The following CCDC81 variants were observed in gnomAD, a reference collection of about 807,000 sequenced individuals.
The protein encoded by CCDC81 is coiled-coil domain containing 81.
A neutral mutation model predicts 83.7 loss-of-function variants in CCDC81; 79 were observed. The ratio of observed to expected loss-of-function variants is 0.94; its 90% CI spans 0.79 to 1.14. The LOEUF (loss-of-function observed/expected upper bound fraction) is 1.14. CCDC81 is among the 50% of genes most tolerant of loss of function. The pLI, the probability that CCDC81 is intolerant of heterozygous loss-of-function variation, is 0.00. For synonymous variants in CCDC81, 252 were observed against 278.1 expected, an observed-to-expected ratio of 0.91 and a Z score of 0.93; for missense variants, 791 against 778.1, an observed-to-expected ratio of 1.02 and a Z score of -0.20.
intron 4 of CCDC81, among the ~76,000 whole-genome samples, chr11:86,393,030 T>G (rs796887534): frequency 6.6e-5 from 10 of 152,306 alleles, no homozygotes; most frequent in African/African-American, 2.4e-4. Context: ...ACGGAAACTC[T>G]TAGAATTCTG....
chr11:86,401,773 A>G (rs1457454365), intron 7 of CCDC81, among the ~76,000 whole-genome samples: 1 of 152,164 alleles, frequency 6.6e-6, no homozygotes, highest in Non-Finnish European at 1.5e-5. Flanking sequence ...GGACAGAGTA[A>G]TTGTTGGAAG....
chr11:86,392,359 A>G (rs61906693), intron 3 of CCDC81, among the ~76,000 whole-genome samples, 182 bp from the exon 4 acceptor site: 26,582 of 152,166 alleles, frequency 0.17, 2,416 homozygotes, highest in South Asian at 0.23. Context: ...ACTGATTAAT[A>G]TGTTAGTAAC....
At chr11:86,389,610 C>T (rs533248671) in intron 3 of CCDC81, among the ~76,000 whole-genome samples, 11 of 152,112 alleles carry the variant, frequency 7.2e-5, no homozygotes, top group Non-Finnish European at 1.5e-4. Context: ...CTCATGAGAA[C>T]TCACTCACTA....
Position 86,401,993 on chromosome 11 carries a change from G to A in CCDC81, c.881+1192G>A, listed in dbSNP as rs1164311513. On this transcript the variant is annotated intron_variant, in intron 7 of 14. Coordinates refer to ENST00000445632, the MANE Select transcript of CCDC81 (RefSeq NM_001156474.2). ...CTACTAAAATAAAAAAAATTACCCG[G>A]GTGTGGTGGTGAGCGCCTGTAATCC... Among the ~76,000 whole-genome samples, 5 of 151,876 alleles carry A rather than the reference G, an allele frequency of 3.3e-5. No homozygotes were observed. The East Asian group carries it at 9.6e-4, about 29-fold the overall frequency.
intron 4 of CCDC81, 124 bp from the exon 5 acceptor site, chr11:86,395,210 C>A (rs574261046): frequency 1.5e-6 from 1 of 661,860 alleles, no homozygotes; most frequent in Admixed American, 2.9e-5. Context: ...GACTTATAAG[C>A]GCTTAACATA....
rs1188630520 is a variant in CCDC81, at chr11:86,415,205, A to C, written c.1583A>C (p.Tyr528Ser). The C allele has an allele frequency of 6.2e-7, 1 of 1,614,094 alleles. No homozygotes were observed. Among genetic ancestry groups the C allele is most frequent in the African/African-American group, 1.3e-5 (1 of 74,934 alleles). ...GAAAAGCAAAAGCGAGAACAAAATT[A>C]CATGAAACACCAGCTGGAGGCAGCT... is the stretch of plus-strand genomic sequence containing the variant. ...MVEKQKREQN[Y>S]MKHQLEAAAN... Residue 528 changes from tyrosine to serine, a missense_variant, in exon 13 of 15, where the codon TAC (tyrosine) becomes TCC (serine). Physicochemically the swap from Tyr to Ser is moderately radical, Grantham distance 144. Transcript: ENST00000445632.
chr11:86,408,248 A>G lies in CCDC81; in HGVS notation c.1091A>G (p.Gln364Arg), dbSNP rs751122655. The change falls in exon 9 of 15, where the codon CAG becomes CGG. Residue 364 changes from glutamine (Q) to arginine (R), a missense_variant. Transcript: ENST00000445632. ...CAGCAGTATCAGATGTTAAAGGATC[A>G]GGAGGCTCTCTTCAGACACCAGGTA... ...LIQQYQMLKDQEALFRHQMKS... is the reference protein window; with the variant it reads ...LIQQYQMLKDREALFRHQMKS... 5 of 1,613,384 alleles carry G rather than the reference A, an allele frequency of 3.1e-6. No homozygotes were observed. The highest frequency in any genetic ancestry group is 1.3e-5 in the African/African-American group (1 of 75,032).
At chr11:86,417,010 G>C (rs1948728732) in intron 13 of CCDC81, among the ~76,000 whole-genome samples, 2 of 152,120 alleles carry the variant, frequency 1.3e-5, no homozygotes, top group African/African-American at 4.8e-5. Context: ...TTGGGAGACC[G>C]AGGCAGGCAG....
chr11:86,399,484 T>C (rs1258761656), intron 6 of CCDC81, among the ~76,000 whole-genome samples: 1 of 151,990 alleles, frequency 6.6e-6, no homozygotes, highest in African/African-American at 2.4e-5. Flanking sequence ...CCTGGCTAAT[T>C]TTTGTACTTT....
chr11:86,386,591 A>T (rs1447133184), intron 2 of CCDC81, among the ~76,000 whole-genome samples: 1 of 152,214 alleles, frequency 6.6e-6, no homozygotes, highest in African/African-American at 2.4e-5. Flanking sequence ...ATGCCATAGA[A>T]CTGGACAGAG....
chr11:86,421,960 G>C (rs1404463653), intron 14 of CCDC81, among the ~76,000 whole-genome samples: 1 of 151,860 alleles, frequency 6.6e-6, no homozygotes, highest in Non-Finnish European at 1.5e-5. Context: ...TGGGGTAGAG[G>C]AGCACATGAG....
At chr11:86,412,237 G>A (rs931115222) in intron 10 of CCDC81, 150 bp from the exon 11 acceptor site, 7 of 602,710 alleles carry the variant, frequency 1.2e-5, no homozygotes, top group African/African-American at 9.3e-5. Context: ...ATGATTCTAT[G>A]TGTTACCTCA....
rs747294803 is a variant in CCDC81 at position 86,387,720 on chromosome 11, G to T, written c.298+48G>T. On this transcript the variant is annotated intron_variant, in intron 3 of 14. Coordinates refer to ENST00000445632, the MANE Select transcript of CCDC81 (RefSeq NM_001156474.2). ...ATTTTCCCAGAAGGTTACTGTCCTG[G>T]GGATAAAAAATGAAAGGGCAAAGCG... 7 of 1,376,336 alleles carry T rather than the reference G, an allele frequency of 5.1e-6. No homozygotes were observed. In the East Asian group the frequency reaches 9.2e-5, roughly 18 times the overall value. 85.3% of individuals were successfully genotyped at this position (1,376,336 alleles called of 1,614,324 possible).
intron 1 of CCDC81, among the ~76,000 whole-genome samples, chr11:86,384,239 A>G (rs978560013): frequency 1.1e-4 from 17 of 152,326 alleles, no homozygotes; most frequent in Admixed American, 9.8e-4. Context: ...GGTCATGATG[A>G]AAGTTTTAAT....
chr11:86,409,379 A>G lies in CCDC81; in HGVS notation c.1218+14A>G. 7.2e-7 allele frequency: 1 copy of G among 1,396,098 alleles called. No homozygotes were observed. The highest frequency in any genetic ancestry group is 9.8e-7 in the Non-Finnish European group (1 of 1,019,674). 86.5% of individuals were successfully genotyped at this position (1,396,098 alleles called of 1,614,324 possible). On this transcript the variant is annotated intron_variant, in intron 10 of 14. Coordinates refer to ENST00000445632, the MANE Select transcript of CCDC81 (RefSeq NM_001156474.2). ...CCGGAATTTTATGTAAGTCTTTTAAAAATTTCTGTTGCTAACACCTGGCCC... is the reference window on the plus strand; with the variant it reads ...CCGGAATTTTATGTAAGTCTTTTAAGAATTTCTGTTGCTAACACCTGGCCC...
At chr11:86,391,214 A>AT (rs1444434569) in intron 3 of CCDC81, among the ~76,000 whole-genome samples, 23 of 152,220 alleles carry the variant, frequency 1.5e-4, no homozygotes, top group South Asian at 4.2e-4. Context: ...AGAAATGTGT[A>AT]TTTTTTTTAA....
chr11:86,401,977 T>TA (rs1350875436), intron 7 of CCDC81, among the ~76,000 whole-genome samples: 1 of 150,620 alleles, frequency 6.6e-6, no homozygotes, highest in African/African-American at 2.4e-5. Flanking sequence ...TCTACTAAAA[T>TA]AAAAAAAATT....
chr11:86,378,460 T>C (rs1245643031), intron 1 of CCDC81, among the ~76,000 whole-genome samples: 1 of 152,228 alleles, frequency 6.6e-6, no homozygotes, highest in Non-Finnish European at 1.5e-5. Context: ...TTGGATGAAC[T>C]AGTCTGTAGA....
chr11:86,406,063 T>G (rs1948561807), intron 7 of CCDC81, among the ~76,000 whole-genome samples: 1 of 152,110 alleles, frequency 6.6e-6, no homozygotes, highest in Non-Finnish European at 1.5e-5. Flanking sequence ...ATGCCTGGCC[T>G]GTTTCTTATA....
Sources: allele counts gnomAD v4.1 joint callset (sites outside exome capture counted in the v4.1 genomes callset), GRCh38; gene constraint gnomAD v4.1.1; transcripts MANE v1.5; gene names NCBI Gene and HGNC (gene_info 2026-07-23, HGNC 2026-07-21).